CSMD1: variants seen among roughly 807,000 people sequenced by gnomAD.
The protein encoded by CSMD1 is CUB and Sushi multiple domains 1, also known as CUB and sushi domain-containing protein 1.
In CSMD1, 213 loss-of-function variants were observed where a neutral mutation model predicts 417.5. That is an observed-to-expected ratio of 0.51 (90% CI 0.46 to 0.57). The LOEUF is 0.57. Ranked by LOEUF, CSMD1 falls within the 20% of genes least tolerant of loss-of-function variation. The pLI is 0.00. For missense variants in CSMD1, 6,923 were observed against 4,529.7 expected, an observed-to-expected ratio of 1.53 and a Z score of -15.17; for synonymous variants, 2,862 against 1,736.8, an observed-to-expected ratio of 1.65 and a Z score of -16.11.
intron 2 of CSMD1, among the ~76,000 whole-genome samples, chr8:4,471,730 C>G (rs968912188): frequency 2.4e-5 from 3 of 126,546 alleles, no homozygotes; most frequent in African/African-American, 5.0e-5. Context: ...GCAGCAAACA[C>G]GCGGAGAAAA....
At chr8:4,639,603 T>A (rs1269368454) in intron 1 of CSMD1, among the ~76,000 whole-genome samples, 1 of 152,210 alleles carries the variant, frequency 6.6e-6, no homozygotes, top group Non-Finnish European at 1.5e-5. Flanking sequence ...ATTGAGAAAG[T>A]TTTGAAGGGA....
At chr8:4,175,478 T>C (rs1334181098) in intron 3 of CSMD1, among the ~76,000 whole-genome samples, 2 of 152,172 alleles carry the variant, frequency 1.3e-5, no homozygotes, top group African/African-American at 2.4e-5. Flanking sequence ...TCCAAAATTG[T>C]AAATATATTT....
intron 11 of CSMD1, among the ~76,000 whole-genome samples, chr8:3,479,638 C>A (rs1182856104): frequency 6.6e-6 from 1 of 152,112 alleles, no homozygotes; most frequent in Non-Finnish European, 1.5e-5. Context: ...ACCACAGTTG[C>A]TTTTTCATCA....
chr8:2,998,446 T>A (rs1316607711), intron 53 of CSMD1, among the ~76,000 whole-genome samples: 1 of 152,204 alleles, frequency 6.6e-6, no homozygotes, highest in East Asian at 1.9e-4. Context: ...ATAATTATTA[T>A]TTCTCTCTTG....
chr8:4,825,166 T>C lies in CSMD1; in HGVS notation c.85+169166A>G, dbSNP rs112880178. ...TTTCTACCTGAAGAAGTGGGATAAA[T>C]GTGACTTATCTGACATTTTTGAAGA... On this transcript the variant is annotated intron_variant, in intron 1 of 69. Coordinates refer to ENST00000635120, the MANE Select transcript of CSMD1 (RefSeq NM_033225.6). 4.2e-3 allele frequency among the ~76,000 whole-genome samples: 639 copies of C among 152,236 alleles called. 4 individuals are homozygous for C. Among genetic ancestry groups the C allele is most frequent in the African/African-American group, 0.015 (610 of 41,546 alleles).
At chr8:3,561,923 G>C (rs1056311163) in intron 10 of CSMD1, among the ~76,000 whole-genome samples, 9 of 152,178 alleles carry the variant, frequency 5.9e-5, no homozygotes, top group African/African-American at 2.2e-4. Context: ...GCATAAGCGA[G>C]GGATGCAGAT....
chr8:3,278,272 T>C (rs1323282647), intron 26 of CSMD1: 2 of 152,352 alleles, frequency 1.3e-5, no homozygotes, highest in African/African-American at 4.8e-5. Context: ...GCAACCCTGA[T>C]GTTAAATTAT....
At chr8:4,538,732 C>T (rs2130502685) in intron 2 of CSMD1, among the ~76,000 whole-genome samples, 1 of 152,262 alleles carries the variant, frequency 6.6e-6, no homozygotes, top group East Asian at 1.9e-4. Flanking sequence ...GCAAGTAAAC[C>T]TCCAAATTAT....
intron 3 of CSMD1, among the ~76,000 whole-genome samples, chr8:4,153,211 G>C (rs942903082): frequency 1.3e-5 from 2 of 152,148 alleles, no homozygotes; most frequent in Non-Finnish European, 2.9e-5. Context: ...CGCTAACTCA[G>C]CAACTCACCC....
At chr8:3,130,226 T>C (rs914976199) in intron 41 of CSMD1, among the ~76,000 whole-genome samples, 1 of 152,168 alleles carries the variant, frequency 6.6e-6, no homozygotes, top group Non-Finnish European at 1.5e-5. Flanking sequence ...TGTTTGTATT[T>C]TAACAGGATG....
At chr8:4,713,374 TTTTTGTTTTG>T (rs56295432) in intron 1 of CSMD1, among the ~76,000 whole-genome samples, 1,997 of 148,116 alleles carry the variant, frequency 0.013, 17 homozygotes, top group Non-Finnish European at 0.02. Flanking sequence ...CAGCTTTGTG[TTTTTGTTTTG>T]TTTTGTTTTG....
At chr8:4,295,209 ATTTT>A (rs1797598839) in intron 3 of CSMD1, among the ~76,000 whole-genome samples, 3 of 70,568 alleles carry the variant, frequency 4.3e-5, no homozygotes, top group Non-Finnish European at 9.0e-5. Context: ...TAATCTTAAG[ATTTT>A]CTATATAATC....
chr8:3,133,062 C>T (rs764899743), intron 41 of CSMD1, among the ~76,000 whole-genome samples: 21 of 152,176 alleles, frequency 1.4e-4, no homozygotes, highest in Admixed American at 4.6e-4. Flanking sequence ...GAATAAAAGG[C>T]GTATTAGCCC....
chr8:3,590,023 T>G (rs1162583315), intron 8 of CSMD1, among the ~76,000 whole-genome samples: 1 of 152,102 alleles, frequency 6.6e-6, no homozygotes, highest in Non-Finnish European at 1.5e-5. Flanking sequence ...TTGACTAAAT[T>G]TTTTTGGATA....
chr8:4,097,458 G>C (rs1308206177), intron 3 of CSMD1, among the ~76,000 whole-genome samples: 1 of 152,158 alleles, frequency 6.6e-6, no homozygotes, highest in African/African-American at 2.4e-5. Flanking sequence ...ATTAAAGGGG[G>C]TTGTAATAAT....
intron 3 of CSMD1, among the ~76,000 whole-genome samples, chr8:4,127,572 G>C (rs928482163): frequency 2.6e-5 from 4 of 151,530 alleles, no homozygotes; most frequent in Non-Finnish European, 1.5e-5. Flanking sequence ...TTCCACAGAG[G>C]GATTTTCTAA....
intron 57 of CSMD1, among the ~76,000 whole-genome samples, chr8:2,968,282 T>G (rs769839336): frequency 1.4e-4 from 21 of 152,030 alleles, no homozygotes; most frequent in Non-Finnish European, 2.5e-4. Flanking sequence ...AGAAAGGGAG[T>G]GAGTTTGGTC....
chr8:3,881,262 T>TG (rs1476234946), intron 5 of CSMD1, among the ~76,000 whole-genome samples: 1 of 22,826 alleles, frequency 4.4e-5, no homozygotes, highest in East Asian at 2.0e-3. Flanking sequence ...CTTTGTTTTT[T>TG]GCTTTTTTTT....
rs577616508 is a variant in CSMD1 at position 3,353,544 on chromosome 8, G to C, written c.3305-5383C>G. Among the ~76,000 whole-genome samples, 3 of 152,290 alleles carry C rather than the reference G, an allele frequency of 2.0e-5. No individual in the cohort carries two copies. The South Asian group carries it at 6.2e-4, about 32-fold the overall frequency. ...TCAAAGAAACTGCGAGAGCGCTCCA[G>C]ACCCTGGGGCAGTATCCCGTAGGAC... is the stretch of plus-strand genomic sequence containing the variant. On this transcript the variant is annotated intron_variant, in intron 21 of 69. Transcript: ENST00000635120.
Sources: allele counts gnomAD v4.1 joint callset (sites outside exome capture counted in the v4.1 genomes callset), GRCh38; gene constraint gnomAD v4.1.1; transcripts MANE v1.5; gene names NCBI Gene and HGNC (gene_info 2026-07-23, HGNC 2026-07-21).